Variants in MCF2 observed in about 807,000 individuals in gnomAD.
The protein encoded by MCF2 is MCF.2 cell line derived transforming sequence, also known as proto-oncogene DBL.
A neutral mutation model predicts 82.5 loss-of-function variants in MCF2; 44 were observed. That is an observed-to-expected ratio of 0.53 (90% CI 0.42 to 0.69). MCF2 has a LOEUF of 0.69. MCF2 is among the 30% of genes least tolerant of loss of function. The pLI is 0.00. For missense variants in MCF2, 623 were observed against 663.1 expected, an observed-to-expected ratio of 0.94 and a Z score of 0.66; for synonymous variants, 217 against 224.9, an observed-to-expected ratio of 0.96 and a Z score of 0.32.
chrX:139,588,771 A>C (rs946952185), intron 20 of MCF2, among the ~76,000 whole-genome samples: 1 of 108,255 alleles, frequency 9.2e-6, no homozygotes, highest in African/African-American at 3.4e-5. Context: ...ACTAATAATA[A>C]TAATAATAAT....
At chrX:139,703,048 A>G (rs901208158) in intron 1 of MCF2, among the ~76,000 whole-genome samples, 2 of 112,122 alleles carry the variant, frequency 1.8e-5, no homozygotes, top group Admixed American at 9.4e-5. Flanking sequence ...CCAAATGGGG[A>G]CCACTGCGGC....
rs1238746790 is a variant in MCF2, at chrX:139,605,064, C to A, written c.1558-80G>T. 4 of 414,076 alleles carry A rather than the reference C, an allele frequency of 9.7e-6. No homozygotes were observed. The African/African-American group carries it at 1.0e-4, about 11-fold the overall frequency. 34.1% of individuals were successfully genotyped at this position (414,076 alleles called of 1,213,427 possible). A position where few individuals can be genotyped will look rare whatever the true frequency, so the allele number is the denominator to read the frequency against. ...TGGGCTACTAATGGTGTAGGTACAG[C>A]AGAATATTAAGGGATTTGATGGTGA... On this transcript the variant is annotated intron_variant, in intron 13 of 24. Transcript: ENST00000370576.
At chrX:139,638,216 A>T (rs1933350953) in intron 1 of MCF2, among the ~76,000 whole-genome samples, 1 of 111,770 alleles carries the variant, frequency 8.9e-6, no homozygotes, top group South Asian at 3.8e-4. Flanking sequence ...CATAAGTAGC[A>T]GAATTAAAAC....
At chrX:139,637,508 AT>A (rs1039942215) in intron 1 of MCF2, among the ~76,000 whole-genome samples, 10 of 111,548 alleles carry the variant, frequency 9.0e-5, no homozygotes, top group African/African-American at 3.3e-4. Context: ...AGCAAAAAAA[AT>A]ACGTATATTT....
At chrX:139,632,278 T>C in intron 2 of MCF2, 57 bp downstream of exon 5, 1 of 967,308 alleles carries the variant, frequency 1.0e-6, no homozygotes. Context: ...ATAAACAGCA[T>C]GGTACAGGTC....
upstream of MCF2, chrX:139,645,757 G>A: frequency 2.1e-6 from 1 of 485,394 alleles, no homozygotes; most frequent in African/African-American, 2.4e-5. Context: ...TACATTTGAT[G>A]TCTTGACTGA....
chrX:139,619,818 TA>T (rs750613441), intron 6 of MCF2, 112 bp from the exon 10 acceptor site: 4 of 546,839 alleles, frequency 7.3e-6, no homozygotes, highest in Admixed American at 4.5e-5. Flanking sequence ...ATTACACATA[TA>T]AAAAATTTGG....
intron 15 of MCF2, among the ~76,000 whole-genome samples, chrX:139,603,030 T>C (rs963116044): frequency 2.7e-5 from 3 of 112,100 alleles, no homozygotes; most frequent in Non-Finnish European, 5.6e-5. Context: ...TCATGAGTTA[T>C]CTCTTCTATA....
upstream of MCF2, chrX:139,646,869 C>G (rs372437732): frequency 1.7e-6 from 2 of 1,183,610 alleles, no homozygotes; most frequent in Admixed American, 2.3e-5. Flanking sequence ...TTTCTGGAAA[C>G]GTAATGATCC....
intron 6 of MCF2, among the ~76,000 whole-genome samples, chrX:139,624,334 A>T (rs1308483810): frequency 1.0e-4 from 11 of 110,295 alleles, no homozygotes. Context: ...TGAGCCTAGG[A>T]GTTGCAGACC....
intron 1 of MCF2, among the ~76,000 whole-genome samples, chrX:139,659,765 A>G: frequency 8.9e-6 from 1 of 112,227 alleles, no homozygotes; most frequent in African/African-American, 3.2e-5. Flanking sequence ...ATAAAAATAG[A>G]AAGGGAAATG....
chrX:139,636,129 G>A (rs1306732142), intron 1 of MCF2, among the ~76,000 whole-genome samples: 2 of 111,199 alleles, frequency 1.8e-5, no homozygotes, highest in Admixed American at 9.6e-5. Flanking sequence ...AGCAGGTTTG[G>A]GTAGAAAACT....
chrX:139,671,262 C>T (rs991460192), intron 1 of MCF2, among the ~76,000 whole-genome samples: 26 of 111,662 alleles, frequency 2.3e-4, no homozygotes, highest in Admixed American at 2.2e-3. Context: ...ATTCTGTAGG[C>T]TGCCTGTTCA....
Position 139,652,812 on chromosome X carries a change from C to G in MCF2, c.-44-1024G>C, listed in dbSNP as rs1268021452. Among the ~76,000 whole-genome samples the G allele has an allele frequency of 3.6e-5, 4 of 110,142 alleles. No individual in the cohort carries two copies. In the Admixed American group the frequency reaches 3.9e-4, roughly 11 times the overall value. On this transcript the variant is annotated intron_variant, in intron 1 of 27. Transcript: ENST00000414978. ...TGGTGTCAGGCTGATGATGCATTAC[C>G]CTTCTCAGTGCTCCTCAAATCACAC...
intron 1 of MCF2, among the ~76,000 whole-genome samples, chrX:139,694,076 A>T (rs1486157286): frequency 1.8e-5 from 2 of 112,152 alleles, no homozygotes; most frequent in Non-Finnish European, 3.8e-5. Context: ...TGGTTATAGG[A>T]GAAATCTCAT....
At chrX:139,662,172 T>C (rs973981128) in intron 1 of MCF2, among the ~76,000 whole-genome samples, 1 of 111,709 alleles carries the variant, frequency 9.0e-6, no homozygotes, top group African/African-American at 3.3e-5. Context: ...ATGGAAAACA[T>C]ACTCTTAAAA....
intron 1 of MCF2, among the ~76,000 whole-genome samples, chrX:139,661,520 A>G (rs1335986020): frequency 1.8e-5 from 2 of 111,993 alleles, no homozygotes; most frequent in African/African-American, 6.5e-5. Flanking sequence ...ACAAGCACGT[A>G]TACAACAAAA....
intron 1 of MCF2, among the ~76,000 whole-genome samples, chrX:139,642,128 T>C (rs999644457): frequency 9.0e-6 from 1 of 111,579 alleles, no homozygotes; most frequent in Non-Finnish European, 1.9e-5. Flanking sequence ...ATGAATCCTT[T>C]TGTTAGATAT....
intron 1 of MCF2, among the ~76,000 whole-genome samples, chrX:139,691,522 G>T: frequency 9.0e-6 from 1 of 111,277 alleles, no homozygotes; most frequent in Non-Finnish European, 1.9e-5. Flanking sequence ...GGGGATAGGA[G>T]ACCTGAACCA....
Sources: gnomAD v4.1 joint callset for allele counts (sites outside exome capture counted in the v4.1 genomes callset) on GRCh38, gnomAD v4.1.1 for gene constraint, MANE v1.5 for transcripts, NCBI Gene and HGNC (gene_info 2026-07-23, HGNC 2026-07-21) for gene names.